EPC1: variants seen among roughly 807,000 people sequenced by gnomAD.
EPC1 encodes enhancer of polycomb homolog 1.
A neutral mutation model predicts 98.4 loss-of-function variants in EPC1; 12 were observed. That is an observed-to-expected ratio of 0.12 (90% CI 0.08 to 0.20). The LOEUF (loss-of-function observed/expected upper bound fraction) is 0.20, where lower values mean the gene tolerates loss of function less well. EPC1 is among the 10% of genes least tolerant of loss of function. EPC1 has a pLI of 1.00. For synonymous variants in EPC1, 357 were observed against 363.9 expected, an observed-to-expected ratio of 0.98 and a Z score of 0.21; for missense variants, 729 against 990.5, an observed-to-expected ratio of 0.74 and a Z score of 3.54.
chr10:32,325,802 T>C (rs1592599756), intron 1 of EPC1, among the ~76,000 whole-genome samples: 1 of 151,846 alleles, frequency 6.6e-6, no homozygotes, highest in East Asian at 1.9e-4. Flanking sequence ...TTTTTAACTC[T>C]ATAAAGGCAA....
At chr10:32,326,923 AAG>A (rs1837313670) in intron 1 of EPC1, among the ~76,000 whole-genome samples, 1 of 151,958 alleles carries the variant, frequency 6.6e-6, no homozygotes, top group African/African-American at 2.4e-5. Flanking sequence ...CAGAGAAAAA[AAG>A]AACTCTCACA....
chr10:32,346,901 C>G lies in EPC1; in HGVS notation c.15G>C (p.Ser5=). Residue 5 remains serine, a synonymous_variant, in exon 1 of 14, where the codon TCG becomes TCC. Coordinates refer to ENST00000319778, the MANE Select transcript of EPC1 (RefSeq NM_001272004.3). Reference sequence around the variant, plus strand: ...AGGCGTCTAGCGCCCGCGCCCGAAACGACAGTTTACTCATCTCAGGCGCAG... The same window carrying G: ...AGGCGTCTAGCGCCCGCGCCCGAAAGGACAGTTTACTCATCTCAGGCGCAG... MSKL[S]FRARALDASK... 6.2e-7 allele frequency: 1 copy of G among 1,613,962 alleles called. No individual in the cohort carries two copies. The highest frequency in any genetic ancestry group is 8.5e-7 in the Non-Finnish European group (1 of 1,180,010).
chr10:32,275,503 A>G (rs1374812638), intron 10 of EPC1, among the ~76,000 whole-genome samples: 1 of 152,090 alleles, frequency 6.6e-6, no homozygotes, highest in Non-Finnish European at 1.5e-5. Context: ...GCGGTGGCTC[A>G]CGCCTGTAAT....
chr10:32,320,916 A>C (rs2370722), intron 1 of EPC1, among the ~76,000 whole-genome samples: 1 of 3,670 alleles, frequency 2.7e-4, no homozygotes, highest in Non-Finnish European at 8.8e-4. Context: ...AGTTCTTTAA[A>C]TGTTTGGTGG....
chr10:32,344,941 G>T (rs1429290306), intron 1 of EPC1, among the ~76,000 whole-genome samples: 1 of 152,178 alleles, frequency 6.6e-6, no homozygotes, highest in Admixed American at 6.5e-5. Context: ...CTTAACTAAA[G>T]TCTAAAGTGT....
intron 1 of EPC1, among the ~76,000 whole-genome samples, chr10:32,314,848 C>G (rs979086355): frequency 6.6e-6 from 1 of 152,220 alleles, no homozygotes; most frequent in East Asian, 1.9e-4. Context: ...GGGTGGGTAT[C>G]TTTGCTGCTA....
upstream of EPC1, among the ~76,000 whole-genome samples, chr10:32,349,950 A>T (rs1839063073): frequency 6.6e-6 from 1 of 152,198 alleles, no homozygotes; most frequent in South Asian, 2.1e-4. Flanking sequence ...AGGGACAGGA[A>T]GGCAGCAGTA....
At chr10:32,351,485 T>G (rs1839107467), upstream of EPC1, among the ~76,000 whole-genome samples, 1 of 151,684 alleles carries the variant, frequency 6.6e-6, no homozygotes, top group Admixed American at 6.6e-5. Flanking sequence ...GATGAAACCC[T>G]ATCTCTACTA....
intron 1 of EPC1, among the ~76,000 whole-genome samples, chr10:32,352,596 C>T (rs184782098): frequency 2.0e-5 from 3 of 152,310 alleles, no homozygotes; most frequent in Non-Finnish European, 2.9e-5. Context: ...ATTTCCTAAT[C>T]TGAAGCATCG....
At chr10:32,313,617 G>A (rs987582768) in intron 1 of EPC1, among the ~76,000 whole-genome samples, 16 of 152,188 alleles carry the variant, frequency 1.1e-4, no homozygotes, top group African/African-American at 3.1e-4. Context: ...CAGGCTGGGC[G>A]CGGTGGCTCA....
chr10:32,284,438 A>C (rs1836562428), intron 10 of EPC1: 4 of 330,860 alleles, frequency 1.2e-5, no homozygotes, highest in Non-Finnish European at 2.2e-5. Context: ...TGGTTCACGG[A>C]CTATATCCAG....
rs571752978 is a variant in EPC1 at position 32,358,545 on chromosome 10, T to G, written c.3+19946A>C. ...CTGTAGTCCTAGCTACTTGGGAGGC[T>G]GAGGTGGGAGGATCACTTGAGCCTA... On this transcript the variant is annotated intron_variant, in intron 1 of 13. Coordinates refer to the EPC1 transcript ENST00000375110. Among the ~76,000 whole-genome samples, 59 of 144,518 alleles carry G rather than the reference T, an allele frequency of 4.1e-4. 1 individual carries two copies. Among genetic ancestry groups the G allele is most frequent in the Non-Finnish European group, 3.0e-5 (2 of 67,148 alleles). The allele number at this position is 144,518 out of a possible 152,430, so 94.8% of individuals were successfully genotyped here.
chr10:32,311,973 C>A (rs1836259185), intron 1 of EPC1, among the ~76,000 whole-genome samples: 1 of 152,166 alleles, frequency 6.6e-6, no homozygotes, highest in Non-Finnish European at 1.5e-5. Context: ...ACTTAGAAAT[C>A]ATTTCTAGAA....
chr10:32,337,043 G>A (rs1180787458), intron 1 of EPC1, among the ~76,000 whole-genome samples: 3 of 151,958 alleles, frequency 2.0e-5, no homozygotes, highest in Non-Finnish European at 4.4e-5. Context: ...ATTTTTTATT[G>A]GATGCTAAAC....
In EPC1 at chr10:32,270,690, C is replaced by T. The variant is rs116386829; in HGVS notation, c.2369+864G>A. Among the ~76,000 whole-genome samples the T allele has an allele frequency of 4.5e-3, 690 of 151,734 alleles. 7 individuals are homozygous for T. Among genetic ancestry groups the T allele is most frequent in the African/African-American group, 0.016 (642 of 41,374 alleles). On this transcript the variant is annotated intron_variant, in intron 13 of 13. Transcript: ENST00000319778. ...AAATGCAAAAATTAGCCAGGCATCG[C>T]GGTGTATGCCTGTAATCCCATCTAC...
rs569578557 is a variant in EPC1, at chr10:32,295,448, A to G, written c.314-1711T>C. On this transcript the variant is annotated intron_variant, in intron 2 of 13. Coordinates refer to ENST00000319778, the MANE Select transcript of EPC1 (RefSeq NM_001272004.3). ...TTTTATTTTGACCTATATCACTTCT[A>G]TAACATTCCTATTAAAATAAGTAAG... 5.8e-4 allele frequency among the ~76,000 whole-genome samples: 88 copies of G among 152,322 alleles called. No individual in the cohort carries two copies. In the Middle Eastern group the frequency reaches 0.024, roughly 41 times the overall value.
Position 32,293,051 on chromosome 10 carries a change from A to C in EPC1, c.603T>G (p.Gly201=), listed in dbSNP as rs1325153085. 13 of 1,613,364 alleles carry C rather than the reference A, an allele frequency of 8.1e-6. No homozygotes were observed. The highest frequency in any genetic ancestry group is 1.1e-5 in the Non-Finnish European group (13 of 1,179,626). ...CCACATAAGGATCATTTGTGCTGGA[A>C]CCATCTCGCTTCTCTTGTTTTACTG... The part of the protein sequence containing the change: ...IPSVKQEKRD[G]SSTNDPYVAF... Residue 201 remains glycine (G), a synonymous_variant, in exon 4 of 14, where the codon GGT becomes GGG. Transcript: ENST00000319778.
At chr10:32,269,756 T>C (rs1835751041) in intron 13 of EPC1, among the ~76,000 whole-genome samples, 1 of 152,242 alleles carries the variant, frequency 6.6e-6, no homozygotes, top group South Asian at 2.1e-4. Context: ...ATGAGCTATA[T>C]AATTAGACCC....
At chr10:32,378,536 A>C (rs1839916662) in exon 1 of EPC1, 2 of 1,514,350 alleles carry the variant, frequency 1.3e-6, no homozygotes, top group South Asian at 2.5e-5. Flanking sequence ...AAAAAATTGT[A>C]ACAATATAGG....
Sources: gnomAD v4.1 joint callset for allele counts (sites outside exome capture counted in the v4.1 genomes callset) on GRCh38, gnomAD v4.1.1 for gene constraint, MANE v1.5 for transcripts, NCBI Gene and HGNC (gene_info 2026-07-23, HGNC 2026-07-21) for gene names.